EDNRB: variants seen among roughly 807,000 people sequenced by gnomAD.
The protein encoded by EDNRB is Hirschsprung disease 2.
A neutral mutation model predicts 46.4 loss-of-function variants in EDNRB; 18 were observed. The observed-to-expected ratio is 0.39, with a 90% CI of 0.27 to 0.57. EDNRB has a LOEUF of 0.57. EDNRB is among the 20% of genes least tolerant of loss of function. The pLI is 0.61. For synonymous variants in EDNRB, 213 were observed against 204.9 expected, an observed-to-expected ratio of 1.04 and a Z score of -0.34; for missense variants, 434 against 537.5, an observed-to-expected ratio of 0.81 and a Z score of 1.90.
In EDNRB at chr13:77,896,516, C is replaced by T. The variant is rs909826111; in HGVS notation, c.*1684G>A. 3 of 1,577,936 alleles carry T rather than the reference C, an allele frequency of 1.9e-6. No homozygotes were observed. Among genetic ancestry groups the T allele is most frequent in the East Asian group, 2.3e-5 (1 of 44,112 alleles). On this transcript the variant is annotated 3_prime_UTR_variant, in exon 7 of 7. Coordinates refer to ENST00000646607, the MANE Select transcript of EDNRB (RefSeq NM_001122659.3). ...ACTGTACCATCACATTCAATATTGA[C>T]AGAAAACAACATTACTAGCTTATTT...
chr13:77,969,388 T>C (rs564984727), intron 1 of EDNRB, among the ~76,000 whole-genome samples: 29 of 152,272 alleles, frequency 1.9e-4, no homozygotes, highest in African/African-American at 6.5e-4. Context: ...GGAATTCCAG[T>C]TTTTCTAAAG....
intron 1 of EDNRB, among the ~76,000 whole-genome samples, chr13:77,937,070 A>G (rs1035525367): frequency 1.2e-4 from 19 of 152,212 alleles, no homozygotes; most frequent in African/African-American, 4.6e-4. Flanking sequence ...TAAAATGCAT[A>G]TTAAGAATAA....
At chr13:77,943,018 A>G (rs547993524) in intron 1 of EDNRB, among the ~76,000 whole-genome samples, 1 of 152,274 alleles carries the variant, frequency 6.6e-6, no homozygotes, top group East Asian at 1.9e-4. Flanking sequence ...TTAGCCTGCC[A>G]TTTAAGGCAA....
In EDNRB at chr13:77,897,149, C is replaced by T; in HGVS notation, c.*1051G>A. Reference sequence around the variant, plus strand: ...GCCCCTTTGTCATGTGGACACTGCACCAGGCAGTTCACAGTCTTTATTATG... The same window carrying T: ...GCCCCTTTGTCATGTGGACACTGCATCAGGCAGTTCACAGTCTTTATTATG... On this transcript the variant is annotated 3_prime_UTR_variant, in exon 7 of 7. Transcript: ENST00000646607. 1 of 985,512 alleles carries T rather than the reference C, an allele frequency of 1.0e-6. No individual in the cohort carries two copies. The highest frequency in any genetic ancestry group is 1.2e-6 in the Non-Finnish European group (1 of 830,114). The allele number at this position is 985,512 out of a possible 1,614,324, so 61.0% of individuals were successfully genotyped here.
At chr13:77,940,224 C>T (rs1412366254) in intron 1 of EDNRB, among the ~76,000 whole-genome samples, 1 of 151,902 alleles carries the variant, frequency 6.6e-6, no homozygotes, top group Non-Finnish European at 1.5e-5. Context: ...GACATATGAG[C>T]TTCACTATAA....
intron 1 of EDNRB, among the ~76,000 whole-genome samples, chr13:77,966,253 C>A (rs1194512021): frequency 1.3e-5 from 2 of 152,096 alleles, no homozygotes; most frequent in African/African-American, 4.8e-5. Context: ...GGGTCATACA[C>A]TTTTCCACAG....
Position 77,896,557 on chromosome 13 carries a change from G to C in EDNRB, c.*1643C>G. The C allele has an allele frequency of 6.4e-7, 1 of 1,555,336 alleles. No individual in the cohort carries two copies. Among genetic ancestry groups the C allele is most frequent in the Non-Finnish European group, 8.7e-7 (1 of 1,148,544 alleles). On this transcript the variant is annotated 3_prime_UTR_variant, in exon 7 of 7. Transcript: ENST00000646607. The stretch of plus-strand genomic sequence containing the variant: ...TAGCTTATTTCCAACATGTGGCCCA[G>C]CCTATTAAAAGAAAAACAAAGTAAA...
At chr13:77,961,477 C>T (rs912052918) in intron 1 of EDNRB, among the ~76,000 whole-genome samples, 1 of 152,192 alleles carries the variant, frequency 6.6e-6, no homozygotes, top group Non-Finnish European at 1.5e-5. Flanking sequence ...TTAAGAAACT[C>T]ACTCAAAACC....
At chr13:77,961,469 A>G (rs1478311772) in intron 1 of EDNRB, among the ~76,000 whole-genome samples, 1 of 152,220 alleles carries the variant, frequency 6.6e-6, no homozygotes, top group Non-Finnish European at 1.5e-5. Context: ...ACTCAGGATT[A>G]AGAAACTCAC....
At chr13:77,919,442 C>T, upstream of EDNRB, 2 of 1,612,730 alleles carry the variant, frequency 1.2e-6, no homozygotes, top group South Asian at 1.1e-5. Context: ...ATGGAGACCA[C>T]CTTCCCGGGA....
At chr13:77,904,871 T>TGG (rs1291673929) in intron 1 of EDNRB, among the ~76,000 whole-genome samples, 1 of 151,978 alleles carries the variant, frequency 6.6e-6, no homozygotes, top group Non-Finnish European at 1.5e-5. Context: ...TGAGACACAA[T>TGG]GGAGTCTTTC....
At chr13:77,965,690 G>T (rs985013229) in intron 1 of EDNRB, among the ~76,000 whole-genome samples, 4 of 152,066 alleles carry the variant, frequency 2.6e-5, no homozygotes, top group Admixed American at 2.0e-4. Flanking sequence ...ATAAGGAGTG[G>T]TCAGATTATT....
At chr13:77,900,050 G>T in intron 5 of EDNRB, 83 bp from the exon 6 acceptor site, 1 of 1,130,688 alleles carries the variant, frequency 8.8e-7, no homozygotes, top group Non-Finnish European at 1.3e-6. Flanking sequence ...CTTTTGTAAG[G>T]AAAAAAAATG....
At chr13:77,941,717 G>A (rs960876042) in intron 1 of EDNRB, among the ~76,000 whole-genome samples, 2 of 152,204 alleles carry the variant, frequency 1.3e-5, no homozygotes, top group African/African-American at 4.8e-5. Context: ...TTCTAAGTTG[G>A]ACAGTAGGAC....
Position 77,918,738 on chromosome 13 carries a change from A to C in EDNRB, c.-165T>G. On this transcript the variant is annotated 5_prime_UTR_variant, in exon 1 of 7. Transcript: ENST00000646607. The surrounding 1 kb of genome is among the most constrained non-coding windows in gnomAD (Gnocchi z 4.5). ...TTCGCCAGTATCCACGCTCAAAAGT[A>C]ACTCAAGTTTGCGCGCCAGTGGGAA... The C allele has an allele frequency of 7.5e-7, 1 of 1,331,750 alleles. No homozygotes were observed. The highest frequency in any genetic ancestry group is 9.6e-7 in the Non-Finnish European group (1 of 1,045,762). 82.5% of individuals were successfully genotyped at this position (1,331,750 alleles called of 1,614,324 possible). A position where few individuals can be genotyped will look rare whatever the true frequency, so the allele number is the denominator to read the frequency against.
chr13:77,958,329 A>G (rs1177427552), intron 1 of EDNRB, among the ~76,000 whole-genome samples: 1 of 151,520 alleles, frequency 6.6e-6, no homozygotes, highest in African/African-American at 2.4e-5. Flanking sequence ...AGTAATTTCA[A>G]ATTTTCCCAG....
intron 1 of EDNRB, among the ~76,000 whole-genome samples, chr13:77,917,484 T>C (rs1171600476): frequency 6.6e-6 from 1 of 152,168 alleles, no homozygotes; most frequent in East Asian, 1.9e-4. Context: ...AAACAGTCCT[T>C]CCCAAAGTTA....
Position 77,917,513 on chromosome 13 carries a change from T to C in EDNRB, c.483+578A>G, listed in dbSNP as rs377148253. Among the ~76,000 whole-genome samples the C allele has an allele frequency of 8.1e-4, 124 of 152,352 alleles. 2 individuals carry two copies. The South Asian group carries it at 0.025, about 31-fold the overall frequency. Reference sequence around the variant, plus strand: ...AAAGTTAGTGGGCATATCAATCACATGAAGATCTTAAGATGCAGATTCTAA... The same window carrying C: ...AAAGTTAGTGGGCATATCAATCACACGAAGATCTTAAGATGCAGATTCTAA... On this transcript the variant is annotated intron_variant, in intron 1 of 6. Coordinates refer to ENST00000646607, the MANE Select transcript of EDNRB (RefSeq NM_001122659.3).
intron 1 of EDNRB, among the ~76,000 whole-genome samples, chr13:77,970,264 C>T (rs1251891603): frequency 3.3e-5 from 5 of 152,140 alleles, no homozygotes; most frequent in Admixed American, 3.3e-4. Context: ...AACAAAGATT[C>T]TAGAATATTC....
Sources: allele counts gnomAD v4.1 joint callset (sites outside exome capture counted in the v4.1 genomes callset), GRCh38; gene constraint gnomAD v4.1.1; non-coding constraint Gnocchi (gnomAD v3.1); transcripts MANE v1.5; gene names NCBI Gene and HGNC (gene_info 2026-07-23, HGNC 2026-07-21).